FRMD4A: variants seen among roughly 807,000 people sequenced by gnomAD.
The protein encoded by FRMD4A is FERM domain containing 4A.
Under a neutral mutation model 129.1 loss-of-function variants are expected in FRMD4A, and 29 were observed. That is an observed-to-expected ratio of 0.22 (90% CI 0.17 to 0.31). The LOEUF is 0.31. FRMD4A is among the 10% of genes least tolerant of loss of function. The pLI is 1.00. For synonymous variants in FRMD4A, 634 were observed against 571.6 expected (o/e 1.11, Z -1.56); for missense variants, 1,272 against 1,375.8 (o/e 0.92, Z 1.19).
chr10:13,925,784 C>T (rs1180796136), intron 2 of FRMD4A, among the ~76,000 whole-genome samples: 2 of 151,066 alleles, frequency 1.3e-5, no homozygotes, highest in African/African-American at 2.4e-5. Context: ...AGGGTTTCAC[C>T]GTGTTAGCCA....
chr10:13,867,239 AATC>A (rs2094378952), intron 2 of FRMD4A, among the ~76,000 whole-genome samples: 1 of 152,014 alleles, frequency 6.6e-6, no homozygotes, highest in South Asian at 2.1e-4. Flanking sequence ...AAATATACAC[AATC>A]ATATTTTTTG....
intron 23 of FRMD4A, chr10:13,652,878 C>G (rs1425775002): frequency 1.3e-5 from 2 of 152,194 alleles, no homozygotes; most frequent in African/African-American, 4.8e-5. Context: ...CTGACAAGAT[C>G]CCAGGTGAGG....
At chr10:14,136,606 C>T (rs919134091) in intron 2 of FRMD4A, among the ~76,000 whole-genome samples, 71 of 152,040 alleles carry the variant, frequency 4.7e-4, no homozygotes, top group Non-Finnish European at 1.0e-3. Context: ...GATCAAAGAC[C>T]CAAAAGAATG....
intron 2 of FRMD4A, among the ~76,000 whole-genome samples, chr10:14,251,219 C>T (rs566163069): frequency 1.3e-5 from 2 of 152,292 alleles, no homozygotes; most frequent in Admixed American, 1.3e-4. Context: ...CAAATCAATA[C>T]AGCAGAAGTC....
intron 2 of FRMD4A, among the ~76,000 whole-genome samples, chr10:14,274,159 G>T (rs1161870345): frequency 6.6e-6 from 1 of 152,228 alleles, no homozygotes; most frequent in African/African-American, 2.4e-5. Flanking sequence ...GTCCTGCCCT[G>T]AACGCAGTCA....
intron 2 of FRMD4A, among the ~76,000 whole-genome samples, chr10:14,098,642 C>G (rs534771062): frequency 3.7e-4 from 56 of 152,048 alleles, no homozygotes; most frequent in African/African-American, 1.3e-3. Flanking sequence ...TCTCCTGACC[C>G]CGTGATCCGC....
At chr10:14,277,189 A>G (rs1165648977) in intron 2 of FRMD4A, among the ~76,000 whole-genome samples, 2 of 152,160 alleles carry the variant, frequency 1.3e-5, no homozygotes, top group African/African-American at 4.8e-5. Flanking sequence ...TGTTGACCAC[A>G]TGAGATTCTC....
chr10:14,260,309 T>C (rs551444274), intron 2 of FRMD4A, among the ~76,000 whole-genome samples: 1 of 152,162 alleles, frequency 6.6e-6, no homozygotes, highest in Non-Finnish European at 1.5e-5. Flanking sequence ...TTGAGTAAAC[T>C]AGCAGAGTTT....
chr10:13,817,278 C>A (rs2093559852), intron 3 of FRMD4A, among the ~76,000 whole-genome samples: 1 of 152,190 alleles, frequency 6.6e-6, no homozygotes, highest in Non-Finnish European at 1.5e-5. Context: ...TTTGTGGCTC[C>A]AGGACCCAGA....
intron 2 of FRMD4A, among the ~76,000 whole-genome samples, chr10:14,097,988 T>C (rs1391932542): frequency 2.1e-5 from 3 of 140,198 alleles, no homozygotes; most frequent in Non-Finnish European, 3.1e-5. Flanking sequence ...ATATATTATA[T>C]AAATTATAGA....
intron 13 of FRMD4A, among the ~76,000 whole-genome samples, chr10:13,705,345 A>C (rs1363501347): frequency 2.0e-5 from 3 of 152,128 alleles, no homozygotes; most frequent in African/African-American, 7.2e-5. Flanking sequence ...ACGCACAGAG[A>C]ACACGAACAC....
chr10:13,917,168 G>C (rs1014479625), intron 2 of FRMD4A, among the ~76,000 whole-genome samples: 1 of 152,212 alleles, frequency 6.6e-6, no homozygotes, highest in Non-Finnish European at 1.5e-5. Context: ...CCTAGCTAGG[G>C]TGTGATTCGG....
At chr10:13,830,161 C>T (rs949880393) in intron 3 of FRMD4A, among the ~76,000 whole-genome samples, 3 of 152,180 alleles carry the variant, frequency 2.0e-5, no homozygotes, top group African/African-American at 7.2e-5. Context: ...CATCTAAGGC[C>T]ATGACCTCAC....
At chr10:13,812,247 G>A (rs139032174) in intron 3 of FRMD4A, among the ~76,000 whole-genome samples, 109 of 152,292 alleles carry the variant, frequency 7.2e-4, no homozygotes, top group Non-Finnish European at 1.3e-3. Context: ...CAAAATGCAT[G>A]CGTTAAAGCT....
intron 2 of FRMD4A, among the ~76,000 whole-genome samples, chr10:13,954,943 T>G (rs1456923035): frequency 6.6e-6 from 1 of 152,086 alleles, no homozygotes; most frequent in Non-Finnish European, 1.5e-5. Context: ...CAATATGGAT[T>G]TTCTTCTAAT....
intron 2 of FRMD4A, among the ~76,000 whole-genome samples, chr10:14,230,976 A>G (rs1843619922): frequency 6.6e-6 from 1 of 152,136 alleles, no homozygotes; most frequent in Non-Finnish European, 1.5e-5. Context: ...GTTCTTTTTT[A>G]TGGCTACATA....
At chr10:14,017,656 C>T (rs920886961) in intron 2 of FRMD4A, among the ~76,000 whole-genome samples, 1 of 152,152 alleles carries the variant, frequency 6.6e-6, no homozygotes, top group Admixed American at 6.5e-5. Context: ...TTCAAGTAAT[C>T]CCTCTGGTGC....
At chr10:14,153,350 G>A (rs1203737410) in intron 2 of FRMD4A, among the ~76,000 whole-genome samples, 1 of 152,154 alleles carries the variant, frequency 6.6e-6, no homozygotes, top group Non-Finnish European at 1.5e-5. Context: ...ATGAAGCCAG[G>A]ATACAGGGAT....
intron 8 of FRMD4A, among the ~76,000 whole-genome samples, chr10:13,750,115 A>AGAAAG (rs2091532315): frequency 8.2e-6 from 1 of 121,654 alleles, no homozygotes; most frequent in Non-Finnish European, 1.8e-5. Flanking sequence ...AAATGAAGAA[A>AGAAAG]GAAAGAAAGA....
Sources: allele counts gnomAD v4.1 joint callset (sites outside exome capture counted in the v4.1 genomes callset), GRCh38; gene constraint gnomAD v4.1.1; transcripts MANE v1.5; gene names NCBI Gene and HGNC (gene_info 2026-07-23, HGNC 2026-07-21).